Variants in MAJIN observed in about 807,000 individuals in gnomAD.
MAJIN encodes membrane anchored junction protein.
MAJIN carries 27 observed loss-of-function variants against 30.2 expected under a neutral mutation model. The ratio of observed to expected loss-of-function variants is 0.89; its 90% CI spans 0.66 to 1.23. The LOEUF is 1.23. Ranked by LOEUF, MAJIN falls within the 50% of genes most tolerant of loss-of-function variation. The probability of loss-of-function intolerance (pLI) is 0.00; values close to 1 mark genes in which losing one functional copy is unlikely to be tolerated. For synonymous variants in MAJIN, 78 were observed against 91.6 expected, an observed-to-expected ratio of 0.85 and a Z score of 0.85; for missense variants, 253 against 260.3, an observed-to-expected ratio of 0.97 and a Z score of 0.19.
chr11:64,949,420 T>C (rs980362142), intron 6 of MAJIN, among the ~76,000 whole-genome samples: 1 of 152,220 alleles, frequency 6.6e-6, no homozygotes, highest in Non-Finnish European at 1.5e-5. Flanking sequence ...ATAATAGTTA[T>C]CTTTCATTCA....
At chr11:64,960,993 T>C (rs1945712196) in intron 1 of MAJIN, among the ~76,000 whole-genome samples, 1 of 152,152 alleles carries the variant, frequency 6.6e-6, no homozygotes, top group South Asian at 2.1e-4. Context: ...ATACTGATCA[T>C]ATCCTGAGAA....
At chr11:64,971,451 CG>C (rs1945903262) in intron 1 of MAJIN, among the ~76,000 whole-genome samples, 1 of 137,430 alleles carries the variant, frequency 7.3e-6, no homozygotes, top group Non-Finnish European at 1.6e-5. Flanking sequence ...AAAAAAAGGA[CG>C]GAGGAAGTTG....
chr11:64,940,275 T>C (rs1275751127), intron 9 of MAJIN, among the ~76,000 whole-genome samples: 3 of 152,204 alleles, frequency 2.0e-5, no homozygotes, highest in Admixed American at 2.0e-4. Flanking sequence ...TCAACATTTC[T>C]ATAAAGTTTA....
At chr11:64,958,655 T>C (rs989773061) in intron 3 of MAJIN, among the ~76,000 whole-genome samples, 1 of 139,886 alleles carries the variant, frequency 7.1e-6, no homozygotes, top group Middle Eastern at 3.8e-3. Flanking sequence ...TGAAAAAATA[T>C]ATATATATTT....
chr11:64,948,589 T>C (rs1453611092), intron 6 of MAJIN, among the ~76,000 whole-genome samples: 1 of 98,936 alleles, frequency 1.0e-5, no homozygotes, highest in Non-Finnish European at 1.9e-5. Flanking sequence ...ACCACCACCA[T>C]GTCGGGCTAC....
intron 4 of MAJIN, chr11:64,954,229 A>G (rs1590699324): frequency 1.0e-5 from 2 of 192,016 alleles, no homozygotes; most frequent in African/African-American, 2.4e-5. Flanking sequence ...ACCAATTTGT[A>G]AAGTTGATCA....
chr11:64,964,486 C>G (rs1433740887), intron 1 of MAJIN, among the ~76,000 whole-genome samples: 1 of 152,176 alleles, frequency 6.6e-6, no homozygotes, highest in Non-Finnish European at 1.5e-5. Context: ...TTTTTCATTA[C>G]AACATATCAC....
chr11:64,952,128 A>T (rs1945561818), intron 4 of MAJIN, among the ~76,000 whole-genome samples: 1 of 151,984 alleles, frequency 6.6e-6, no homozygotes, highest in Non-Finnish European at 1.5e-5. Context: ...AGCTCAGGCA[A>T]TCTGCCCACC....
Position 64,948,647 on chromosome 11 carries a change from T to C in MAJIN, c.350-828A>G, listed in dbSNP as rs1345610548. Reference sequence around the variant, plus strand: ...TATATATATATATATATATTTTTTTTTTTTTTTTTTTTTTTTTTTTTTTTT... The same window carrying C: ...TATATATATATATATATATTTTTTTCTTTTTTTTTTTTTTTTTTTTTTTTT... On this transcript the variant is annotated intron_variant, in intron 6 of 10. Coordinates refer to ENST00000301896, the MANE Select transcript of MAJIN (RefSeq NM_001037225.3). Among the ~76,000 whole-genome samples, 237 of 36,488 alleles carry C rather than the reference T, an allele frequency of 6.5e-3. 4 individuals carry two copies. The highest frequency in any genetic ancestry group is 0.029 in the African/African-American group (214 of 7,384). 23.9% of individuals were successfully genotyped at this position (36,488 alleles called of 152,430 possible). A position where few individuals can be genotyped will look rare whatever the true frequency, so the allele number is the denominator to read the frequency against.
intron 4 of MAJIN, chr11:64,954,369 G>C (rs1257577671): frequency 1.1e-5 from 4 of 361,132 alleles, no homozygotes; most frequent in Non-Finnish European, 2.1e-5. Flanking sequence ...CCTTGTCTGT[G>C]TATTTACAGT....
chr11:64,970,737 C>T (rs1226225198), intron 1 of MAJIN, among the ~76,000 whole-genome samples: 4 of 152,144 alleles, frequency 2.6e-5, no homozygotes, highest in Admixed American at 2.6e-4. Context: ...TACCTGCTGG[C>T]ATCTTTCTGC....
chr11:64,968,227 G>A (rs1945842332), intron 1 of MAJIN, among the ~76,000 whole-genome samples: 1 of 152,010 alleles, frequency 6.6e-6, no homozygotes. Flanking sequence ...TTTATAAAGG[G>A]GAGATAACTG....
At chr11:64,968,619 G>A (rs888229579) in intron 1 of MAJIN, among the ~76,000 whole-genome samples, 14 of 151,838 alleles carry the variant, frequency 9.2e-5, no homozygotes, top group African/African-American at 3.1e-4. Flanking sequence ...CGGATCATGA[G>A]GTCAGGAGAT....
At chr11:64,956,029 G>A (rs1338061455) in intron 3 of MAJIN, among the ~76,000 whole-genome samples, 1 of 152,128 alleles carries the variant, frequency 6.6e-6, no homozygotes, top group Non-Finnish European at 1.5e-5. Context: ...GGCCCGGTGC[G>A]GTGGCTTACG....
chr11:64,959,422 C>G lies in MAJIN; in HGVS notation c.-17G>C, dbSNP rs367907837. The G allele has an allele frequency of 1.3e-6, 2 of 1,597,118 alleles. No individual in the cohort carries two copies. Among genetic ancestry groups the G allele is most frequent in the Non-Finnish European group, 8.6e-7 (1 of 1,165,572 alleles). ...TAAACTCATTGCTCCCAAACGATAG[C>G]CTAAATAAAATAGAAAGAGAATTAC... On this transcript the variant is annotated splice_region_variant and 5_prime_UTR_variant, in exon 3 of 11. Coordinates refer to ENST00000301896, the MANE Select transcript of MAJIN (RefSeq NM_001037225.3).
intron 1 of MAJIN, among the ~76,000 whole-genome samples, chr11:64,962,574 A>G (rs1249796671): frequency 1.3e-5 from 2 of 152,192 alleles, no homozygotes; most frequent in African/African-American, 4.8e-5. Context: ...GGATAGTGCA[A>G]AAGACATAAG....
intron 4 of MAJIN, chr11:64,953,899 G>A (rs964012754): frequency 2.6e-5 from 4 of 152,324 alleles, no homozygotes; most frequent in African/African-American, 9.7e-5. Context: ...AGATCCTAAT[G>A]TATCTTTTAA....
chr11:64,941,643 T>G (rs1945380878), intron 8 of MAJIN, among the ~76,000 whole-genome samples: 1 of 151,948 alleles, frequency 6.6e-6, no homozygotes, highest in Non-Finnish European at 1.5e-5. Flanking sequence ...AGAGTGAGAC[T>G]CCATCTCGAA....
intron 1 of MAJIN, among the ~76,000 whole-genome samples, chr11:64,969,177 C>T (rs1208778062): frequency 6.6e-6 from 1 of 151,858 alleles, no homozygotes; most frequent in African/African-American, 2.4e-5. Flanking sequence ...TGGGAGGGAG[C>T]AGTGAAAATT....
Sources: gnomAD v4.1 joint callset for allele counts (sites outside exome capture counted in the v4.1 genomes callset) on GRCh38, gnomAD v4.1.1 for gene constraint, MANE v1.5 for transcripts, NCBI Gene and HGNC (gene_info 2026-07-23, HGNC 2026-07-21) for gene names.